PFKFB1: variants seen among roughly 807,000 people sequenced by gnomAD.
PFKFB1 encodes the protein 6-phosphofructo-2-kinase/fructose-2,6-biphosphatase 1, also known as 6-phosphofructo-2-kinase/fructose-2,6-bisphosphatase 1.
A neutral mutation model predicts 46.4 loss-of-function variants in PFKFB1; 34 were observed. That is an observed-to-expected ratio of 0.73 (90% CI 0.56 to 0.98). The LOEUF (loss-of-function observed/expected upper bound fraction) is 0.98, where lower values mean the gene tolerates loss of function less well. Among genes scored for constraint, PFKFB1 ranks in the 50% least tolerant of loss-of-function variants. The probability of loss-of-function intolerance (pLI) is 0.00; values close to 1 mark genes in which losing one functional copy is unlikely to be tolerated. For synonymous variants in PFKFB1, 119 were observed against 133.8 expected, an observed-to-expected ratio of 0.89 and a Z score of 0.76; for missense variants, 393 against 376.3, an observed-to-expected ratio of 1.04 and a Z score of -0.37.
At chrX:54,947,218 G>A (rs756471396) in intron 9 of PFKFB1, among the ~76,000 whole-genome samples, 1 of 111,813 alleles carries the variant, frequency 8.9e-6, no homozygotes, top group Admixed American at 9.5e-5. Flanking sequence ...GGTAGATCTT[G>A]GCTGAGTTAG....
In PFKFB1 at chrX:54,958,281, T is replaced by A; in HGVS notation, c.516+25A>T. On this transcript the variant is annotated intron_variant, in intron 6 of 13. Transcript: ENST00000375006. The stretch of plus-strand genomic sequence containing the variant: ...GATCTAAGCCTAAGGCAGAGCAAAG[T>A]GGAAAAGTAACTGGTGGTCCTTACC... The A allele has an allele frequency of 2.7e-6, 3 of 1,097,470 alleles. No individual in the cohort carries two copies. In the South Asian group the frequency reaches 5.7e-5, roughly 21 times the overall value. 90.4% of individuals were successfully genotyped at this position (1,097,470 alleles called of 1,213,427 possible).
chrX:54,980,184 T>G (rs761077594), intron 1 of PFKFB1, among the ~76,000 whole-genome samples: 1 of 111,459 alleles, frequency 9.0e-6, no homozygotes, highest in Non-Finnish European at 1.9e-5. Context: ...AGCTGTGCAC[T>G]GATCTCTGAC....
rs1037062265 is a variant in PFKFB1 at position 54,974,108 on chromosome X, C to T, written c.98-10726G>A. Among the ~76,000 whole-genome samples, 11 of 111,379 alleles carry T rather than the reference C, an allele frequency of 9.9e-5. No homozygotes were observed. In the East Asian group the frequency reaches 2.8e-3, roughly 29 times the overall value. Reference sequence around the variant, plus strand: ...CCTATCAGGATATTTTAGATATAGACAAGCTGATCCTGAAACTCATATGGA... The same window carrying T: ...CCTATCAGGATATTTTAGATATAGATAAGCTGATCCTGAAACTCATATGGA... On this transcript the variant is annotated intron_variant, in intron 1 of 13. Coordinates refer to ENST00000375006, the MANE Select transcript of PFKFB1 (RefSeq NM_002625.4).
Position 54,993,945 on chromosome X carries a change from G to A in PFKFB1, c.63C>T (p.Ser21=). The part of the protein sequence containing the change: ...TRLQKIWIPH[S]SGSSRLQRRR... Reference sequence around the variant, plus strand: ...TCCGTTGCAGCCTGCTGCTGCCGCTGCTGTGTGGAATCCAGATCTTCTGCA... The same window carrying A: ...TCCGTTGCAGCCTGCTGCTGCCGCTACTGTGTGGAATCCAGATCTTCTGCA... Residue 21 remains serine (S), a synonymous_variant, in exon 1 of 14, where the codon AGC becomes AGT. Transcript: ENST00000375006. The A allele has an allele frequency of 8.3e-7, 1 of 1,207,968 alleles. No individual in the cohort carries two copies. Among genetic ancestry groups the A allele is most frequent in the Non-Finnish European group, 1.1e-6 (1 of 893,730 alleles).
chrX:54,960,462 TATTGAG>T (rs767427021), intron 3 of PFKFB1, among the ~76,000 whole-genome samples: 1 of 112,294 alleles, frequency 8.9e-6, no homozygotes, highest in African/African-American at 3.2e-5. Context: ...TAGGCCAAGG[TATTGAG>T]ATTCATGCCT....
chrX:54,938,614 A>T (rs1933494917), intron 10 of PFKFB1, among the ~76,000 whole-genome samples: 1 of 111,439 alleles, frequency 9.0e-6, no homozygotes, highest in Non-Finnish European at 1.9e-5. Flanking sequence ...GATAAAACAG[A>T]CTTTAAACCA....
chrX:54,940,802 G>A (rs1485642006), intron 10 of PFKFB1, among the ~76,000 whole-genome samples: 1 of 111,338 alleles, frequency 9.0e-6, no homozygotes, highest in East Asian at 2.8e-4. Context: ...ATATCGTGAA[G>A]ATGGCCATAC....
chrX:54,984,144 T>G (rs1225668108), intron 1 of PFKFB1, among the ~76,000 whole-genome samples: 1 of 112,317 alleles, frequency 8.9e-6, no homozygotes, highest in Non-Finnish European at 1.9e-5. Context: ...AGGACTAATG[T>G]AAGGATTTCC....
At chrX:54,957,130 T>C (rs935149500) in intron 6 of PFKFB1, among the ~76,000 whole-genome samples, 4 of 111,878 alleles carry the variant, frequency 3.6e-5, no homozygotes, top group African/African-American at 1.3e-4. Context: ...CTCCCATGGC[T>C]CCCTTATTCC....
Position 54,948,652 on chromosome X carries a change from T to C in PFKFB1, c.993+423A>G, listed in dbSNP as rs181326359. On this transcript the variant is annotated intron_variant, in intron 9 of 13. Transcript: ENST00000375006. ...CATCTCTGGGTCTTCACATGAGTTA[T>C]TTTCTGTCTCTGAATTAAATTTATT... Among the ~76,000 whole-genome samples, 4 of 111,802 alleles carry C rather than the reference T, an allele frequency of 3.6e-5. No individual in the cohort carries two copies. The Admixed American group carries it at 3.8e-4, about 11-fold the overall frequency.
chrX:54,933,409 G>A lies in PFKFB1; in HGVS notation c.1410C>T (p.His470=). The A allele has an allele frequency of 8.3e-7, 1 of 1,206,806 alleles. No individual in the cohort carries two copies. Among genetic ancestry groups the A allele is most frequent in the Non-Finnish European group, 1.1e-6 (1 of 890,856 alleles). ...TTGACTTCTTGGAAAGGGCTCAGTA[G>A]TGGGCTGGGACAGTATCCAGGGCTT... The part of the protein sequence containing the change: ...PEEALDTVPA[H]Y The change falls in exon 14 of 14, where the codon CAC becomes CAT. Residue 470 remains histidine, a synonymous_variant. Transcript: ENST00000375006.
chrX:54,988,279 T>C (rs1448502164), intron 1 of PFKFB1, among the ~76,000 whole-genome samples: 1 of 111,542 alleles, frequency 9.0e-6, no homozygotes, highest in Non-Finnish European at 1.9e-5. Context: ...AAGAACACTT[T>C]AAAAAATGTA....
At chrX:54,996,497 G>C (rs1935358732), upstream of PFKFB1, among the ~76,000 whole-genome samples, 1 of 112,403 alleles carries the variant, frequency 8.9e-6, no homozygotes, top group African/African-American at 3.2e-5. Context: ...GAGATAAGAA[G>C]CTGGCAGGCT....
Position 54,934,946 on chromosome X carries a change from C to A in PFKFB1, c.1291+1G>T. 7.5e-6 allele frequency: 9 copies of A among 1,199,286 alleles called. No homozygotes were observed. Among genetic ancestry groups the A allele is most frequent in the Non-Finnish European group, 9.0e-6 (8 of 884,499 alleles). On this transcript the variant is annotated splice_donor_variant, in intron 12 of 13. Coordinates refer to ENST00000375006, the MANE Select transcript of PFKFB1 (RefSeq NM_002625.4). LOFTEE classifies it high-confidence loss of function. Reference sequence around the variant, plus strand: ...CCTTTGATCAGGGTGGGAGTACTTACCATAAGCCACAGGAGTGAGTTTGAG... The same window carrying A: ...CCTTTGATCAGGGTGGGAGTACTTAACATAAGCCACAGGAGTGAGTTTGAG...
intron 8 of PFKFB1, among the ~76,000 whole-genome samples, chrX:54,951,591 C>G (rs1384181856): frequency 1.8e-5 from 2 of 112,619 alleles, no homozygotes; most frequent in African/African-American, 3.2e-5. Flanking sequence ...AGCAAAGGCA[C>G]AAACTCGTGA....
intron 1 of PFKFB1, 67 bp downstream of exon 1, chrX:54,993,844 T>C (rs931879819): frequency 8.8e-7 from 1 of 1,134,546 alleles, no homozygotes; most frequent in Non-Finnish European, 1.2e-6. Flanking sequence ...GGGAGGTGCA[T>C]CCTTTGCTCT....
intron 1 of PFKFB1, among the ~76,000 whole-genome samples, chrX:54,966,994 C>T (rs1452357371): frequency 8.9e-6 from 1 of 111,753 alleles, no homozygotes; most frequent in Non-Finnish European, 1.9e-5. Flanking sequence ...TACACCTCCA[C>T]CCAAGTCTCA....
chrX:54,989,169 T>A (rs1351076534), intron 1 of PFKFB1, among the ~76,000 whole-genome samples: 1 of 111,737 alleles, frequency 8.9e-6, no homozygotes, highest in African/African-American at 3.2e-5. Flanking sequence ...TACACAACTA[T>A]GTGAATATAC....
chrX:54,966,143 C>G (rs888262083), intron 1 of PFKFB1, among the ~76,000 whole-genome samples: 1 of 111,295 alleles, frequency 9.0e-6, no homozygotes, highest in Non-Finnish European at 1.9e-5. Context: ...AATTAAAGAC[C>G]GAGATGGTCA....
Sources: gnomAD v4.1 joint callset for allele counts (sites outside exome capture counted in the v4.1 genomes callset) on GRCh38, gnomAD v4.1.1 for gene constraint, MANE v1.5 for transcripts, NCBI Gene and HGNC (gene_info 2026-07-23, HGNC 2026-07-21) for gene names.